KAZN: variants seen among roughly 807,000 people sequenced by gnomAD.
KAZN encodes kazrin.
Under a neutral mutation model 87.4 loss-of-function variants are expected in KAZN, and 40 were observed. The ratio of observed to expected loss-of-function variants is 0.46; its 90% CI spans 0.36 to 0.60. The LOEUF (loss-of-function observed/expected upper bound fraction) is 0.60. Among genes scored for constraint, KAZN ranks in the 20% least tolerant of loss-of-function variants. KAZN has a pLI of 0.00. For synonymous variants in KAZN, 466 were observed against 458.3 expected, an observed-to-expected ratio of 1.02 and a Z score of -0.22; for missense variants, 898 against 1,073.9, an observed-to-expected ratio of 0.84 and a Z score of 2.29.
At chr1:14,104,110 A>C (rs945349357) in intron 1 of KAZN, among the ~76,000 whole-genome samples, 5 of 152,290 alleles carry the variant, frequency 3.3e-5, no homozygotes, top group Admixed American at 1.3e-4. Context: ...CCTTGTCTAC[A>C]CCCAGACAGG....
chr1:13,993,308 T>A (rs1639368436), intron 1 of KAZN, among the ~76,000 whole-genome samples: 1 of 152,134 alleles, frequency 6.6e-6, no homozygotes, highest in Non-Finnish European at 1.5e-5. Flanking sequence ...TGACTGTAAG[T>A]CCTAGGCTGA....
intron 2 of KAZN, among the ~76,000 whole-genome samples, chr1:14,407,757 T>C (rs554155483): frequency 4.6e-5 from 7 of 152,308 alleles, no homozygotes; most frequent in African/African-American, 1.7e-4. Flanking sequence ...ACAAAAACCA[T>C]GTCTTTTTTT....
chr1:14,639,997 G>A (rs540969264), intron 1 of KAZN, among the ~76,000 whole-genome samples: 6 of 152,266 alleles, frequency 3.9e-5, no homozygotes, highest in African/African-American at 7.2e-5. Flanking sequence ...GCTCAGCAAC[G>A]CTAGGTGGTT....
intron 1 of KAZN, among the ~76,000 whole-genome samples, chr1:14,819,996 AC>A (rs1383646553): frequency 6.6e-6 from 1 of 152,122 alleles, no homozygotes; most frequent in Non-Finnish European, 1.5e-5. Context: ...GGCATAAGCC[AC>A]TGTGCCTGGC....
chr1:13,911,529 C>T (rs1015873762), intron 1 of KAZN, among the ~76,000 whole-genome samples: 4 of 152,108 alleles, frequency 2.6e-5, no homozygotes, highest in African/African-American at 2.4e-5. Flanking sequence ...AGTATCCAAA[C>T]GATATCAGGA....
chr1:14,574,597 A>G (rs12084536), intron 2 of KAZN, among the ~76,000 whole-genome samples: 55,938 of 151,966 alleles, frequency 0.37, 10,836 homozygotes, highest in African/African-American at 0.49. Flanking sequence ...CCAGCCCATG[A>G]AACTGTGAGA....
chr1:14,306,541 T>G (rs960753990), intron 2 of KAZN, among the ~76,000 whole-genome samples: 4 of 152,162 alleles, frequency 2.6e-5, no homozygotes, highest in Admixed American at 2.6e-4. Context: ...TGGACAGTCA[T>G]AAGACTCTGC....
intron 1 of KAZN, among the ~76,000 whole-genome samples, chr1:14,739,519 A>C (rs777889575): frequency 2.0e-5 from 3 of 152,080 alleles, no homozygotes; most frequent in African/African-American, 4.8e-5. Context: ...TCATAAGCTC[A>C]AGTGTTTCCT....
intron 2 of KAZN, among the ~76,000 whole-genome samples, chr1:14,251,091 T>C (rs957949627): frequency 2.9e-4 from 44 of 152,146 alleles, no homozygotes; most frequent in Non-Finnish European, 5.9e-5. Context: ...GAACTGAAAC[T>C]ATGTAATCTA....
At chr1:14,883,502 C>A (rs1437440792) in intron 1 of KAZN, among the ~76,000 whole-genome samples, 1 of 146,542 alleles carries the variant, frequency 6.8e-6, no homozygotes, top group African/African-American at 2.7e-5. Context: ...TCTGTCCCAC[C>A]TTTTTCAAAG....
rs796438201 is a variant in KAZN, at chr1:14,492,476, C to T, written c.250-106507C>T. 1.3e-4 allele frequency among the ~76,000 whole-genome samples: 19 copies of T among 151,616 alleles called. 1 individual carries two copies. Among genetic ancestry groups the T allele is most frequent in the African/African-American group, 4.4e-4 (18 of 41,292 alleles). On this transcript the variant is annotated intron_variant, in intron 2 of 16. Coordinates refer to the KAZN transcript ENST00000636203. Reference sequence around the variant, plus strand: ...AAATCAACGGGAAGAAGATGGAAAACGAGACTTCCCTTATGAAGCTTCTGT... The same window carrying T: ...AAATCAACGGGAAGAAGATGGAAAATGAGACTTCCCTTATGAAGCTTCTGT...
rs113099892 is a variant in KAZN at position 14,849,407 on chromosome 1, G to A, written c.227-111277G>A. 1.5e-3 allele frequency among the ~76,000 whole-genome samples: 230 copies of A among 152,228 alleles called. 1 individual carries two copies. The highest frequency in any genetic ancestry group is 5.0e-3 in the African/African-American group (206 of 41,542). On this transcript the variant is annotated intron_variant, in intron 1 of 14. Coordinates refer to ENST00000376030, the MANE Select transcript of KAZN (RefSeq NM_201628.3). ...ACTAACATTTTTGAGTGTTTACTAC[G>A]TTCCGGGCTCTGCACTGAGCACATT...
chr1:13,940,648 A>C (rs561118076), intron 1 of KAZN, among the ~76,000 whole-genome samples: 1 of 152,366 alleles, frequency 6.6e-6, no homozygotes, highest in South Asian at 2.1e-4. Context: ...AAATTAACTC[A>C]ATATACAGGT....
At chr1:15,070,057 T>C (rs1324929967) in intron 8 of KAZN, among the ~76,000 whole-genome samples, 1 of 152,218 alleles carries the variant, frequency 6.6e-6, no homozygotes, top group Non-Finnish European at 1.5e-5. Context: ...TCTGAGGTCA[T>C]GGAGCTGGGA....
intron 1 of KAZN, among the ~76,000 whole-genome samples, chr1:14,147,686 C>T (rs111395799): frequency 1.5e-3 from 228 of 151,980 alleles, no homozygotes; most frequent in African/African-American, 5.1e-3. Flanking sequence ...GTCCCAGCTA[C>T]TCGGCAGGCT....
rs150770926 is a variant in KAZN, at chr1:14,263,021, C to A, written c.249+82429C>A. Among the ~76,000 whole-genome samples the A allele has an allele frequency of 3.9e-5, 6 of 152,092 alleles. No individual in the cohort carries two copies. The East Asian group carries it at 1.2e-3, about 29-fold the overall frequency. On this transcript the variant is annotated intron_variant, in intron 2 of 16. Transcript: ENST00000636203. ...TCATGTGGCGTGCATGCGTGTATAT[C>A]CATTTTCCACTCTGAGCTGATTCAA...
chr1:14,808,078 G>A (rs1646279850), intron 1 of KAZN, among the ~76,000 whole-genome samples: 1 of 152,142 alleles, frequency 6.6e-6, no homozygotes, highest in Admixed American at 6.5e-5. Flanking sequence ...CAGTGAATGA[G>A]GAGATTATGG....
chr1:14,279,653 C>T (rs1005184686), intron 2 of KAZN, among the ~76,000 whole-genome samples: 8 of 152,134 alleles, frequency 5.3e-5, no homozygotes, highest in Non-Finnish European at 1.2e-4. Context: ...TAAGGATGCC[C>T]GTCTCCTAGA....
chr1:14,812,958 T>G (rs554110234), intron 1 of KAZN, among the ~76,000 whole-genome samples: 1 of 152,328 alleles, frequency 6.6e-6, no homozygotes, highest in South Asian at 2.1e-4. Context: ...TGGGCCTGTT[T>G]CTGAAGACAT....
Sources: allele counts gnomAD v4.1 joint callset (sites outside exome capture counted in the v4.1 genomes callset), GRCh38; gene constraint gnomAD v4.1.1; transcripts MANE v1.5; gene names NCBI Gene and HGNC (gene_info 2026-07-23, HGNC 2026-07-21).